Variants in SNX32 observed in about 807,000 individuals in gnomAD.
SNX32 encodes the protein sorting nexin 32, also known as sorting nexin-32.
A neutral mutation model predicts 57.0 loss-of-function variants in SNX32; 58 were observed. The ratio of observed to expected loss-of-function variants is 1.02; its 90% CI spans 0.82 to 1.27. The LOEUF is 1.27. Ranked by LOEUF, SNX32 falls within the 50% of genes most tolerant of loss-of-function variation. The pLI, the probability that SNX32 is intolerant of heterozygous loss-of-function variation, is 0.00. For missense variants in SNX32, 589 were observed against 541.2 expected (o/e 1.09, Z -0.88); for synonymous variants, 262 against 220.4 (o/e 1.19, Z -1.67).
chr11:65,842,191 C>T (rs570560919), intron 1 of SNX32, among the ~76,000 whole-genome samples: 18 of 152,304 alleles, frequency 1.2e-4, no homozygotes, highest in African/African-American at 4.1e-4. Flanking sequence ...ACCAATGGAA[C>T]ACAGTAGAGA....
chr11:65,835,108 G>A (rs1858631333), intron 1 of SNX32, among the ~76,000 whole-genome samples: 1 of 151,938 alleles, frequency 6.6e-6, no homozygotes, highest in Non-Finnish European at 1.5e-5. Flanking sequence ...CTGTGTGTGT[G>A]TATGTGCCCA....
chr11:65,841,871 A>G (rs1858852175), intron 1 of SNX32, among the ~76,000 whole-genome samples: 1 of 152,146 alleles, frequency 6.6e-6, no homozygotes, highest in South Asian at 2.1e-4. Flanking sequence ...AGACCTAAAT[A>G]ATTGGAAAGA....
intron 8 of SNX32, 28 bp from the exon 9 acceptor site, chr11:65,851,612 C>T (rs549480274): frequency 1.2e-6 from 2 of 1,613,728 alleles, no homozygotes; most frequent in African/African-American, 2.7e-5. Flanking sequence ...CAGCCCCCTA[C>T]CCTAACTCCC....
At chr11:65,852,820 G>T (rs761490442) in intron 11 of SNX32, 31 bp downstream of exon 11, 2 of 1,611,688 alleles carry the variant, frequency 1.2e-6, no homozygotes, top group Admixed American at 3.3e-5. Flanking sequence ...CCCAGCCTGG[G>T]GCCACATGCC....
intron 7 of SNX32, 72 bp downstream of exon 7, chr11:65,851,232 A>G: frequency 6.3e-7 from 1 of 1,598,538 alleles, no homozygotes; most frequent in Non-Finnish European, 8.6e-7. Context: ...GGGGGAGAGA[A>G]GAGAGCAGGG....
chr11:65,846,588 G>A (rs983641970), intron 1 of SNX32, among the ~76,000 whole-genome samples: 6 of 151,390 alleles, frequency 4.0e-5, no homozygotes, highest in African/African-American at 7.3e-5. Context: ...AAAAGAATAC[G>A]CCAGAATAAT....
In SNX32 at chr11:65,850,750, G is replaced by T. The variant is rs761192930; in HGVS notation, c.499-1G>T. On this transcript the variant is annotated splice_acceptor_variant, in intron 5 of 12. Coordinates refer to ENST00000308342, the MANE Select transcript of SNX32 (RefSeq NM_152760.3). LOFTEE classifies it high-confidence loss of function. ...CATCATACCCTCCCTGTGTGCCTCA[G>T]CTGAGTGTCCGGGGGAAGAACAGGA... 3 of 1,613,948 alleles carry T rather than the reference G, an allele frequency of 1.9e-6. No homozygotes were observed. In the South Asian group the frequency reaches 3.3e-5, roughly 18 times the overall value.
rs140177962 is a variant in SNX32 at position 65,849,036 on chromosome 11, C to T, written c.37-442C>T. ...GCTCATGCCTGTGGTCCCAGCTACT[C>T]GGGAGGCTGAGGCAGCAGAATCGCT... On this transcript the variant is annotated intron_variant, in intron 1 of 12. Transcript: ENST00000308342. Among the ~76,000 whole-genome samples, 26 of 152,176 alleles carry T rather than the reference C, an allele frequency of 1.7e-4. 2 individuals are homozygous for T. Among genetic ancestry groups the T allele is most frequent in the East Asian group, 9.6e-4 (5 of 5,188 alleles).
intron 1 of SNX32, 42 bp from the exon 2 acceptor site, chr11:65,849,436 G>A: frequency 6.7e-7 from 1 of 1,486,148 alleles, no homozygotes; most frequent in African/African-American, 1.4e-5. Flanking sequence ...AAGGGCAAAG[G>A]GGCCATGCTC....
intron 1 of SNX32, among the ~76,000 whole-genome samples, chr11:65,840,821 C>A (rs1027225939): frequency 2.7e-5 from 4 of 150,472 alleles, no homozygotes; most frequent in Non-Finnish European, 4.4e-5. Context: ...AAAAAAGAAT[C>A]TACAAACGAT....
At chr11:65,839,641 G>A (rs1464240490) in intron 1 of SNX32, among the ~76,000 whole-genome samples, 7 of 150,368 alleles carry the variant, frequency 4.7e-5, no homozygotes, top group South Asian at 2.1e-4. Flanking sequence ...ACCGCACACC[G>A]GCTGGAAAAT....
At chr11:65,853,197 G>C (rs756113276) in intron 12 of SNX32, 85 bp from the exon 13 acceptor site, 88 of 1,574,090 alleles carry the variant, frequency 5.6e-5, no homozygotes, top group Non-Finnish European at 7.3e-5. Flanking sequence ...GGGGTGTGGG[G>C]AGCGAGGGAG....
At position 65,834,791 on chromosome 11, in the gene SNX32, C is replaced by G. The variant is rs190651487; in HGVS notation, c.36+690C>G. On this transcript the variant is annotated intron_variant, in intron 1 of 12. Coordinates refer to ENST00000308342, the MANE Select transcript of SNX32 (RefSeq NM_152760.3). ...CATCTTTATGTCTGTGTGTGTGTGTCTCTGTGTGTGTGTATGGTCTGCGTG... is the reference window on the plus strand; with the variant it reads ...CATCTTTATGTCTGTGTGTGTGTGTGTCTGTGTGTGTGTATGGTCTGCGTG... 1.4e-3 allele frequency among the ~76,000 whole-genome samples: 190 copies of G among 140,218 alleles called. 2 individuals carry two copies. Among genetic ancestry groups the G allele is most frequent in the South Asian group, 4.5e-4 (2 of 4,402 alleles). 92.0% of individuals were successfully genotyped at this position (140,218 alleles called of 152,430 possible). A position where few individuals can be genotyped will look rare whatever the true frequency, so the allele number is the denominator to read the frequency against.
intron 5 of SNX32, 73 bp downstream of exon 5, chr11:65,850,627 G>T: frequency 6.4e-7 from 1 of 1,559,494 alleles, no homozygotes; most frequent in South Asian, 1.2e-5. Context: ...ACCCAGGGGT[G>T]GCAGGGCTGG....
chr11:65,834,218 T>C, intron 1 of SNX32, 117 bp downstream of exon 1: 2 of 1,046,784 alleles, frequency 1.9e-6, no homozygotes, highest in Non-Finnish European at 2.8e-6. Flanking sequence ...CTCTGTGTGT[T>C]TCTGTGTGTG....
At chr11:65,839,166 A>G (rs896572455) in intron 1 of SNX32, among the ~76,000 whole-genome samples, 1 of 148,046 alleles carries the variant, frequency 6.8e-6, no homozygotes, top group Non-Finnish European at 1.5e-5. Flanking sequence ...CTCCTGCCTC[A>G]GTCTCCCGAG....
At chr11:65,834,494 GTGTT>G (rs1220096874) in intron 1 of SNX32, among the ~76,000 whole-genome samples, 1 of 149,334 alleles carries the variant, frequency 6.7e-6, no homozygotes, top group Non-Finnish European at 1.5e-5. Context: ...GTCCATGTGG[GTGTT>G]TGTGCGTGCA....
At chr11:65,837,710 C>A (rs1178406792) in intron 1 of SNX32, among the ~76,000 whole-genome samples, 6 of 149,314 alleles carry the variant, frequency 4.0e-5, no homozygotes, top group African/African-American at 1.5e-4. Context: ...ATCCCCACTA[C>A]TCAGGAGGCT....
chr11:65,839,739 A>C (rs551806141), intron 1 of SNX32, among the ~76,000 whole-genome samples: 45 of 152,212 alleles, frequency 3.0e-4, no homozygotes, highest in African/African-American at 9.9e-4. Flanking sequence ...TCCCAAAAAA[A>C]AAAAAAAAAA....
Sources: gnomAD v4.1 joint callset for allele counts (sites outside exome capture counted in the v4.1 genomes callset) on GRCh38, gnomAD v4.1.1 for gene constraint, MANE v1.5 for transcripts, NCBI Gene and HGNC (gene_info 2026-07-23, HGNC 2026-07-21) for gene names.